The following RERG variants were observed in gnomAD, a reference collection of about 807,000 sequenced individuals.
RERG encodes the protein RAS like estrogen regulated growth inhibitor, also known as ras-related and estrogen-regulated growth inhibitor.
RERG carries 25 observed loss-of-function variants against 23.2 expected under a neutral mutation model. That is an observed-to-expected ratio of 1.08 (90% confidence interval 0.79 to 1.50). RERG has a LOEUF of 1.50. Ranked by LOEUF, RERG falls within the 40% of genes most tolerant of loss-of-function variation. The probability of loss-of-function intolerance (pLI) is 0.00; values close to 1 mark genes in which losing one functional copy is unlikely to be tolerated. For synonymous variants in RERG, 81 were observed against 89.1 expected (o/e 0.91, Z 0.51); for missense variants, 253 against 250.1 (o/e 1.01, Z -0.08).
chr12:15,196,656 AAC>A (rs956473752), intron 2 of RERG, among the ~76,000 whole-genome samples: 1 of 152,166 alleles, frequency 6.6e-6, no homozygotes, highest in African/African-American at 2.4e-5. Context: ...CTAAAAATGA[AAC>A]ACATACTGCC....
intron 2 of RERG, among the ~76,000 whole-genome samples, chr12:15,207,155 AAAT>A (rs1287632138): frequency 6.6e-6 from 1 of 152,124 alleles, no homozygotes; most frequent in Non-Finnish European, 1.5e-5. Context: ...TTCGAGAACT[AAAT>A]AATAGCTCAT....
At chr12:15,198,208 G>A (rs1591667270) in intron 2 of RERG, among the ~76,000 whole-genome samples, 2 of 151,946 alleles carry the variant, frequency 1.3e-5, no homozygotes, top group East Asian at 3.9e-4. Flanking sequence ...ACTGTTATGA[G>A]CTCCTCTGTT....
At chr12:15,217,200 T>C (rs1219396496) in intron 2 of RERG, 4 of 488,374 alleles carry the variant, frequency 8.2e-6, no homozygotes, top group Non-Finnish European at 1.1e-5. Flanking sequence ...TGATATATCC[T>C]TTATCTTGTG....
At chr12:15,154,297 AC>A (rs1864488858) in intron 2 of RERG, 1 of 152,064 alleles carries the variant, frequency 6.6e-6, no homozygotes, top group Non-Finnish European at 1.5e-5. Context: ...ATTGCCAACC[AC>A]CCGGTTCAGT....
intron 2 of RERG, among the ~76,000 whole-genome samples, chr12:15,158,872 T>C (rs967920177): frequency 5.3e-5 from 8 of 152,116 alleles, no homozygotes; most frequent in Non-Finnish European, 8.8e-5. Context: ...TTTATTAAGG[T>C]GGCATTTTTT....
intron 2 of RERG, among the ~76,000 whole-genome samples, chr12:15,149,284 T>C (rs1864397572): frequency 6.6e-6 from 1 of 152,198 alleles, no homozygotes; most frequent in South Asian, 2.1e-4. Context: ...CTATTTTTTA[T>C]CACTTCATCT....
At chr12:15,210,562 T>A (rs1278366326) in intron 2 of RERG, among the ~76,000 whole-genome samples, 1 of 152,052 alleles carries the variant, frequency 6.6e-6, no homozygotes, top group Non-Finnish European at 1.5e-5. Context: ...AACAATTCAC[T>A]TTCATTTTTT....
At chr12:15,109,693 T>C (rs749749981) in intron 4 of RERG, among the ~76,000 whole-genome samples, 176 bp from the exon 5 acceptor site, 6 of 152,236 alleles carry the variant, frequency 3.9e-5, no homozygotes, top group Non-Finnish European at 8.8e-5. Flanking sequence ...TCATGACTTA[T>C]CCATCTCAAC....
chr12:15,189,801 G>A (rs1423005349), intron 2 of RERG, among the ~76,000 whole-genome samples: 2 of 152,106 alleles, frequency 1.3e-5, no homozygotes, highest in Non-Finnish European at 2.9e-5. Flanking sequence ...GAAATGGAGG[G>A]CTCACTGAAT....
intron 2 of RERG, among the ~76,000 whole-genome samples, chr12:15,133,188 T>G (rs758539852): frequency 1.6e-4 from 24 of 147,700 alleles, no homozygotes; most frequent in Non-Finnish European, 2.7e-4. Flanking sequence ...CATGTAACTA[T>G]TATAGTATCA....
intron 2 of RERG, among the ~76,000 whole-genome samples, chr12:15,145,150 C>CCTCT (rs1317779928): frequency 3.3e-5 from 5 of 152,312 alleles, no homozygotes; most frequent in African/African-American, 1.2e-4. Context: ...TAACAAGAAC[C>CCTCT]CTCTGCTCCC....
chr12:15,115,638 C>T (rs1012419417), intron 3 of RERG, among the ~76,000 whole-genome samples: 1 of 152,064 alleles, frequency 6.6e-6, no homozygotes, highest in African/African-American at 2.4e-5. Flanking sequence ...ACCAACCAAC[C>T]AACACAATAA....
chr12:15,160,266 A>T (rs1864584808), intron 2 of RERG, among the ~76,000 whole-genome samples: 1 of 152,136 alleles, frequency 6.6e-6, no homozygotes, highest in Non-Finnish European at 1.5e-5. Context: ...TTCTAAGTAC[A>T]AAGCACTGTG....
chr12:15,109,128 G>A lies in RERG; in HGVS notation c.582C>T (p.Leu194=), dbSNP rs1331583858. The A allele has an allele frequency of 1.9e-6, 3 of 1,592,932 alleles. No individual in the cohort carries two copies. Among genetic ancestry groups the A allele is most frequent in the South Asian group, 1.1e-5 (1 of 87,180 alleles). Residue 194 remains leucine (L), a synonymous_variant, in exon 5 of 5, where the codon CTC becomes CTT. Coordinates refer to ENST00000256953, the MANE Select transcript of RERG (RefSeq NM_032918.3). The stretch of plus-strand genomic sequence containing the variant: ...GGGCTGCCTAACTACTGATTTTGGT[G>A]AGCATCTTGTTAATGGCTTGCTTGA... ...THVKQAINKM[L]TKISS
chr12:15,179,530 C>T (rs1864895950), intron 2 of RERG, among the ~76,000 whole-genome samples: 3 of 152,194 alleles, frequency 2.0e-5, no homozygotes, highest in African/African-American at 7.2e-5. Flanking sequence ...TGAATTTCCA[C>T]CAAAACTTTC....
At chr12:15,182,333 C>CCCAGCACGG (rs1864935959) in intron 2 of RERG, among the ~76,000 whole-genome samples, 1 of 152,094 alleles carries the variant, frequency 6.6e-6, no homozygotes, top group Non-Finnish European at 1.5e-5. Flanking sequence ...GTTGGGATTA[C>CCCAGCACGG]TGGTGTTAGC....
intron 2 of RERG, among the ~76,000 whole-genome samples, chr12:15,166,517 G>A (rs1308567639): frequency 1.3e-5 from 2 of 151,192 alleles, no homozygotes; most frequent in East Asian, 1.9e-4. Flanking sequence ...GGTGGTGATG[G>A]TGGTGATGGT....
intron 2 of RERG, among the ~76,000 whole-genome samples, chr12:15,132,303 A>G (rs1209903244): frequency 6.6e-6 from 1 of 152,182 alleles, no homozygotes; most frequent in Non-Finnish European, 1.5e-5. Context: ...ACAGTATGTG[A>G]CCTATTTAAA....
chr12:15,145,614 C>A (rs528813294), intron 2 of RERG, among the ~76,000 whole-genome samples: 3 of 152,212 alleles, frequency 2.0e-5, no homozygotes, highest in African/African-American at 7.2e-5. Flanking sequence ...GGGATTTCAA[C>A]AGCAGGTGTG....
Sources: gnomAD v4.1 joint callset for allele counts (sites outside exome capture counted in the v4.1 genomes callset) on GRCh38, gnomAD v4.1.1 for gene constraint, MANE v1.5 for transcripts, NCBI Gene and HGNC (gene_info 2026-07-23, HGNC 2026-07-21) for gene names.